Variants in JARID2 observed in about 807,000 individuals in gnomAD.
The protein encoded by JARID2 is jumonji and AT-rich interaction domain containing 2.
JARID2 carries 21 observed loss-of-function variants against 125.6 expected under a neutral mutation model. The observed-to-expected ratio is 0.17, with a 90% CI of 0.12 to 0.24. The LOEUF (loss-of-function observed/expected upper bound fraction) is 0.24, where lower values mean the gene tolerates loss of function less well. Ranked by LOEUF, JARID2 falls within the 10% of genes least tolerant of loss-of-function variation. The probability of loss-of-function intolerance (pLI) is 1.00; values close to 1 mark genes in which losing one functional copy is unlikely to be tolerated. For missense variants in JARID2, 1,303 were observed against 1,639.6 expected, an observed-to-expected ratio of 0.79 and a Z score of 3.55; for synonymous variants, 736 against 661.6, an observed-to-expected ratio of 1.11 and a Z score of -1.73.
At chr6:15,423,485 G>T (rs1054728478) in intron 3 of JARID2, among the ~76,000 whole-genome samples, 1 of 152,158 alleles carries the variant, frequency 6.6e-6, no homozygotes, top group Non-Finnish European at 1.5e-5. Flanking sequence ...GTTTGTTGGT[G>T]TAACACTGTG....
chr6:15,331,368 A>T (rs1762703770), intron 1 of JARID2, among the ~76,000 whole-genome samples: 1 of 151,528 alleles, frequency 6.6e-6, no homozygotes, highest in African/African-American at 2.4e-5. Context: ...AAAAAAACAA[A>T]AAACCTGTAG....
rs749672209 is a variant in JARID2 at position 15,496,935 on chromosome 6, G to T, written c.1710G>T (p.Pro570=). The change falls in exon 7 of 18, where the codon CCG becomes CCT. Residue 570 remains proline (P), a synonymous_variant. Coordinates refer to ENST00000341776, the MANE Select transcript of JARID2 (RefSeq NM_004973.4). Reference sequence around the variant, plus strand: ...CCTCCGCCAAGGAGTTCCACGATCCGCTCATCTACATCGAGTCGGTCCGCG... The same window carrying T: ...CCTCCGCCAAGGAGTTCCACGATCCTCTCATCTACATCGAGTCGGTCCGCG... ...LRPSAKEFHD[P]LIYIESVRAQ... 1 of 1,604,418 alleles carries T rather than the reference G, an allele frequency of 6.2e-7. No homozygotes were observed. Among genetic ancestry groups the T allele is most frequent in the South Asian group, 1.1e-5 (1 of 90,202 alleles).
intron 6 of JARID2, among the ~76,000 whole-genome samples, chr6:15,493,671 CCCA>C (rs1203867162): frequency 6.6e-6 from 1 of 151,932 alleles, no homozygotes; most frequent in Non-Finnish European, 1.5e-5. Flanking sequence ...CCCACCCAGC[CCCA>C]CCAGCCTTTG....
chr6:15,516,372 C>G (rs1469093364), intron 16 of JARID2, among the ~76,000 whole-genome samples: 1 of 152,228 alleles, frequency 6.6e-6, no homozygotes, highest in Non-Finnish European at 1.5e-5. Flanking sequence ...AGCCCTCCGG[C>G]AGAAGCCAGG....
At chr6:15,359,921 A>G (rs1383266863) in intron 1 of JARID2, among the ~76,000 whole-genome samples, 2 of 152,046 alleles carry the variant, frequency 1.3e-5, no homozygotes, top group Non-Finnish European at 2.9e-5. Context: ...CCCTGACCTC[A>G]GGTGATCTAT....
At chr6:15,310,968 G>C (rs1761989182) in intron 1 of JARID2, among the ~76,000 whole-genome samples, 1 of 152,126 alleles carries the variant, frequency 6.6e-6, no homozygotes, top group African/African-American at 2.4e-5. Flanking sequence ...GTCCCTGTGT[G>C]GGAATGGGAA....
intron 2 of JARID2, among the ~76,000 whole-genome samples, chr6:15,376,409 G>C (rs557737738): frequency 1.3e-5 from 2 of 152,264 alleles, no homozygotes; most frequent in African/African-American, 4.8e-5. Flanking sequence ...TTCAGGACTT[G>C]AGTGTGCTTT....
At chr6:15,404,838 T>TG (rs1371271664) in intron 2 of JARID2, among the ~76,000 whole-genome samples, 1 of 152,208 alleles carries the variant, frequency 6.6e-6, no homozygotes, top group East Asian at 1.9e-4. Context: ...ACCCTTGTTT[T>TG]GGGGCACTGC....
At chr6:15,403,078 G>T (rs1765501319) in intron 2 of JARID2, among the ~76,000 whole-genome samples, 1 of 152,146 alleles carries the variant, frequency 6.6e-6, no homozygotes, top group Non-Finnish European at 1.5e-5. Flanking sequence ...GGAGTGAAGA[G>T]GGGAAGAGAG....
intron 12 of JARID2, 38 bp from the exon 13 acceptor site, chr6:15,511,258 A>C (rs370393733): frequency 4.2e-6 from 6 of 1,444,150 alleles, no homozygotes; most frequent in Non-Finnish European, 5.9e-6. Flanking sequence ...GGCCCTTGTC[A>C]AGTCTCTGCT....
chr6:15,305,114 C>A (rs1263850835), intron 1 of JARID2, among the ~76,000 whole-genome samples: 1 of 152,122 alleles, frequency 6.6e-6, no homozygotes, highest in Non-Finnish European at 1.5e-5. Flanking sequence ...CAGTTTCCAG[C>A]TGGTAAATGA....
chr6:15,307,803 G>T (rs1242246885), intron 1 of JARID2, among the ~76,000 whole-genome samples: 1 of 152,134 alleles, frequency 6.6e-6, no homozygotes, highest in African/African-American at 2.4e-5. Flanking sequence ...TATGTTCATT[G>T]CCCAAATTTG....
chr6:15,442,994 A>G (rs1438835010), intron 3 of JARID2, among the ~76,000 whole-genome samples: 5 of 152,138 alleles, frequency 3.3e-5, no homozygotes, highest in African/African-American at 1.2e-4. Flanking sequence ...TATTTGGGAA[A>G]AAGTTCATAT....
chr6:15,445,827 A>G (rs1010282891), intron 3 of JARID2, among the ~76,000 whole-genome samples: 2 of 152,130 alleles, frequency 1.3e-5, no homozygotes, highest in African/African-American at 4.8e-5. Context: ...TGGCATGGTA[A>G]ATTCTTAAGG....
chr6:15,349,604 G>T (rs1393276402), intron 1 of JARID2, among the ~76,000 whole-genome samples: 1 of 152,082 alleles, frequency 6.6e-6, no homozygotes, highest in African/African-American at 2.4e-5. Context: ...GACTCATCAC[G>T]CGTGAGGAGC....
intron 1 of JARID2, among the ~76,000 whole-genome samples, chr6:15,280,783 C>T (rs553254430): frequency 2.0e-5 from 3 of 152,152 alleles, no homozygotes; most frequent in Admixed American, 6.6e-5. Context: ...AATGAGCCAC[C>T]ACCCCTGGCT....
intron 6 of JARID2, among the ~76,000 whole-genome samples, chr6:15,489,252 G>T (rs1770030801): frequency 6.6e-6 from 1 of 152,060 alleles, no homozygotes; most frequent in South Asian, 2.1e-4. Flanking sequence ...TTTACTTGTG[G>T]TAAAATTCTC....
At chr6:15,423,249 C>A (rs1292534224) in intron 3 of JARID2, among the ~76,000 whole-genome samples, 1 of 152,136 alleles carries the variant, frequency 6.6e-6, no homozygotes, top group Non-Finnish European at 1.5e-5. Context: ...ATCTGCCTGA[C>A]TCAGCCTCCC....
intron 3 of JARID2, among the ~76,000 whole-genome samples, chr6:15,432,834 G>C (rs947839087): frequency 6.6e-6 from 1 of 152,210 alleles, no homozygotes; most frequent in African/African-American, 2.4e-5. Context: ...CTACTTAAAA[G>C]TGTCTGAGCC....
Sources: allele counts gnomAD v4.1 joint callset (sites outside exome capture counted in the v4.1 genomes callset), GRCh38; gene constraint gnomAD v4.1.1; transcripts MANE v1.5; gene names NCBI Gene and HGNC (gene_info 2026-07-23, HGNC 2026-07-21).